Variants in MYBBP1A observed in about 807,000 individuals in gnomAD.
MYBBP1A encodes the protein myb-binding protein 1A.
MYBBP1A carries 147 observed loss-of-function variants against 136.3 expected under a neutral mutation model. The ratio of observed to expected loss-of-function variants is 1.08; its 90% CI spans 0.94 to 1.24. The LOEUF is 1.24. Among genes scored for constraint, MYBBP1A ranks in the 50% most tolerant of loss-of-function variants. The pLI, the probability that MYBBP1A is intolerant of heterozygous loss-of-function variation, is 0.00. For missense variants in MYBBP1A, 2,060 were observed against 1,727.4 expected, an observed-to-expected ratio of 1.19 and a Z score of -3.41; for synonymous variants, 947 against 735.8, an observed-to-expected ratio of 1.29 and a Z score of -4.65.
rs1906311930 is a variant in MYBBP1A, at chr17:4,540,502, G to GCAGAGCTGTGGGGCCA, written c.3298-34_3298-19dup. 8.8e-6 allele frequency: 14 copies of GCAGAGCTGTGGGGCCA among 1,596,108 alleles called. No individual in the cohort carries two copies. The highest frequency in any genetic ancestry group is 1.2e-5 in the Non-Finnish European group (14 of 1,172,604). The stretch of plus-strand genomic sequence containing the variant: ...GTCAGCTTCTGCAGAGGGTGGGAAG[G>GCAGAGCTGTGGGGCCA]CAGAGCTGTGGGGCCACAGAGGGCG... On this transcript the variant is annotated intron_variant, in intron 24 of 25. Transcript: ENST00000254718.
intron 25 of MYBBP1A, among the ~76,000 whole-genome samples, 190 bp downstream of exon 25, chr17:4,540,158 C>CCTGCGAGGGTCCTGTGAGGG (rs1278811291): frequency 1.6e-5 from 2 of 124,978 alleles, no homozygotes; most frequent in South Asian, 2.3e-4. Context: ...TCCTGCGAGG[C>CCTGCGAGGGTCCTGTGAGGG]TCCTGCGAGG....
Position 4,552,333 on chromosome 17 carries a change from G to A in MYBBP1A, c.738-41C>T, listed in dbSNP as rs1398632216. 1 of 1,611,450 alleles carries A rather than the reference G, an allele frequency of 6.2e-7. No individual in the cohort carries two copies. Among genetic ancestry groups the A allele is most frequent in the East Asian group, 2.2e-5 (1 of 44,886 alleles). On this transcript the variant is annotated intron_variant, in intron 6 of 25. Transcript: ENST00000254718. This position sits in a 1 kb window ranked among gnomAD's most constrained non-coding sequence, Gnocchi z 4.7. ...GACTCAGGGAACACTTGCCTCACAG[G>A]CAAGGGCCAGGGTGACAAGAGCAGC...
At chr17:4,544,697 C>T (rs770384602) in intron 18 of MYBBP1A, 51 bp from the exon 19 acceptor site, 24 of 292,094 alleles carry the variant, frequency 8.2e-5, no homozygotes, top group South Asian at 6.1e-4. Flanking sequence ...CACAGGGAGG[C>T]GGGGGTGGGC....
In MYBBP1A at chr17:4,544,886, C is replaced by T. The variant is rs1252405718; in HGVS notation, c.2346G>A (p.Gly782=). 6.2e-7 allele frequency: 1 copy of T among 1,607,162 alleles called. No individual in the cohort carries two copies. The highest frequency in any genetic ancestry group is 1.1e-5 in the South Asian group (1 of 89,846). Residue 782 remains glycine (G), a synonymous_variant, in exon 18 of 26, where the codon GGG becomes GGA. Coordinates refer to ENST00000254718, the MANE Select transcript of MYBBP1A (RefSeq NM_014520.4). ...GGTCCAGGGCCATCATGGCCTCATCCCCCAGCTCCTCCTCGTTCTCACTGT... is the reference window on the plus strand; with the variant it reads ...GGTCCAGGGCCATCATGGCCTCATCTCCCAGCTCCTCCTCGTTCTCACTGT... ...GEDSENEEEL[G]DEAMMALDQS... is the part of the protein sequence containing the mutation.
chr17:4,555,094 G>A (rs1907910282), intron 1 of MYBBP1A, 33 bp downstream of exon 1: 2 of 1,564,660 alleles, frequency 1.3e-6, no homozygotes, highest in Middle Eastern at 3.3e-4. Context: ...GCCGGGATAT[G>A]CGCAGCCTCT....
chr17:4,555,258 C>G lies in MYBBP1A; in HGVS notation c.67G>C (p.Ala23Pro), dbSNP rs781565435. Residue 23 changes from alanine to proline, a missense_variant, in exon 1 of 26, where the codon GCC becomes CCC. By Grantham distance (27) the Ala-to-Pro change is conservative. Transcript: ENST00000254718. ...TGCTTCAATAGGCCATAGCGGTCGG[C>G]AGGCCGGGCGCCACTCTGCGTCGCT... ...GEATQSGARP[A>P]DRYGLLKHSR... is the part of the protein sequence containing the mutation. 1.2e-5 allele frequency: 19 copies of G among 1,611,740 alleles called. No individual in the cohort carries two copies. The Admixed American group carries it at 3.0e-4, about 26-fold the overall frequency.
intron 24 of MYBBP1A, among the ~76,000 whole-genome samples, chr17:4,541,240 C>T (rs1383264506): frequency 6.6e-6 from 1 of 152,266 alleles, no homozygotes; most frequent in Non-Finnish European, 1.5e-5. Flanking sequence ...CCCCGCCCTG[C>T]AGGAGGAGGA....
rs1567615157 is a variant in MYBBP1A, at chr17:4,554,125, G to GAATCCTCAT, written c.379-33_379-32insATGAGGATT. 1.7e-5 allele frequency: 28 copies of GAATCCTCAT among 1,613,538 alleles called. No individual in the cohort carries two copies. In the Admixed American group the frequency reaches 4.7e-4, roughly 27 times the overall value. The stretch of plus-strand genomic sequence containing the variant: ...AAGGATTCCAGGCACAGGCATGAGG[G>GAATCCTCAT]GCCCTGGAACTCCCCATTCCCCAAG... On this transcript the variant is annotated intron_variant, in intron 3 of 25. Coordinates refer to ENST00000254718, the MANE Select transcript of MYBBP1A (RefSeq NM_014520.4).
chr17:4,551,818 T>C (rs1907529219), intron 8 of MYBBP1A, 62 bp downstream of exon 8: 4 of 1,478,470 alleles, frequency 2.7e-6, no homozygotes, highest in Admixed American at 3.5e-5. Context: ...CTCCCCTTTT[T>C]GGCAGGGAGA....
At position 4,549,355 on chromosome 17, in the gene MYBBP1A, C is replaced by T; in HGVS notation, c.1407G>A (p.Glu469=). ...IVDSLHLEME[E]ALTEQVARFC... ...ACCTGGCCACCTGCTCAGTCAAGGC[C>T]TCCTCCATCTCCAGGTGCAGGCTGT... Residue 469 remains glutamate, a synonymous_variant, in exon 10 of 26, where the codon GAG becomes GAA. Transcript: ENST00000254718. The T allele has an allele frequency of 1.2e-6, 2 of 1,612,626 alleles. No homozygotes were observed. The highest frequency in any genetic ancestry group is 8.5e-7 in the Non-Finnish European group (1 of 1,179,962).
At position 4,544,541 on chromosome 17, in the gene MYBBP1A, TGCTGCGCAG is replaced by T. The variant is rs759327225; in HGVS notation, c.2578_2586del (p.Leu860_Ser862del). ...AGGTCCTGCTCCTGTTTGGAGCTGC[TGCTGCGCAG>T]GCTGCGCCGGATGATGCTCAGCAGC... On this transcript the variant is annotated inframe_deletion, in exon 19 of 26. Coordinates refer to ENST00000254718, the MANE Select transcript of MYBBP1A (RefSeq NM_014520.4). The T allele has an allele frequency of 6.4e-7, 1 of 1,557,710 alleles. No individual in the cohort carries two copies. The highest frequency in any genetic ancestry group is 8.7e-7 in the Non-Finnish European group (1 of 1,151,214).
intron 8 of MYBBP1A, 74 bp from the exon 9 acceptor site, chr17:4,550,427 G>A (rs1473820371): frequency 6.6e-7 from 1 of 1,518,600 alleles, no homozygotes; most frequent in Non-Finnish European, 8.9e-7. Context: ...CAGCCAAGGG[G>A]GCAGGCGGGC....
Position 4,552,094 on chromosome 17 carries a change from G to T in MYBBP1A, c.905+31C>A. ...CTAGCCCACTTCACGGACAGGGAAG[G>T]GGGCCGAGAGAGGACACGCGTCGCC... On this transcript the variant is annotated intron_variant, in intron 7 of 25. Coordinates refer to ENST00000254718, the MANE Select transcript of MYBBP1A (RefSeq NM_014520.4). This position sits in a 1 kb window ranked among gnomAD's most constrained non-coding sequence, Gnocchi z 4.7. The T allele has an allele frequency of 6.2e-7, 1 of 1,605,714 alleles. No homozygotes were observed. The highest frequency in any genetic ancestry group is 8.5e-7 in the Non-Finnish European group (1 of 1,175,226).
rs1203021308 is a variant in MYBBP1A at position 4,552,640 on chromosome 17, G to A, written c.562-14C>T. The A allele has an allele frequency of 4.4e-6, 7 of 1,608,486 alleles. No homozygotes were observed. The highest frequency in any genetic ancestry group is 1.7e-5 in the Admixed American group (1 of 59,892). On this transcript the variant is annotated splice_polypyrimidine_tract_variant and intron_variant, in intron 5 of 25. Transcript: ENST00000254718. This position sits in a 1 kb window ranked among gnomAD's most constrained non-coding sequence, Gnocchi z 4.7. The stretch of plus-strand genomic sequence containing the variant: ...GGCCTTCGAGACCTAAGGATGGAGG[G>A]AGAAGAAATCGTGACTTCCTCTGCG...
Position 4,538,973 on chromosome 17 carries a change from A to C in MYBBP1A, c.*442T>G, listed in dbSNP as rs776463304. On this transcript the variant is annotated 3_prime_UTR_variant, in exon 26 of 26. Coordinates refer to ENST00000254718, the MANE Select transcript of MYBBP1A (RefSeq NM_014520.4). Reference sequence around the variant, plus strand: ...TAGAGCTGCTGATTGTGAATCTCAGAGTCTTAAGAGAGAAGCCAAATATAT... The same window carrying C: ...TAGAGCTGCTGATTGTGAATCTCAGCGTCTTAAGAGAGAAGCCAAATATAT... The C allele has an allele frequency of 2.5e-6, 2 of 790,634 alleles. No individual in the cohort carries two copies. Among genetic ancestry groups the C allele is most frequent in the Admixed American group, 3.4e-5 (2 of 59,014 alleles). The allele number at this position is 790,634 out of a possible 1,614,324, so 49.0% of individuals were successfully genotyped here. A position where few individuals can be genotyped will look rare whatever the true frequency, so the allele number is the denominator to read the frequency against.
rs1305090869 is a variant in MYBBP1A, at chr17:4,552,214, G to A, written c.816C>T (p.Leu272=). ...ACTTGTCTTCCTTGAGTGCCAGGCGGAGCAGGTCCAGAGCAATGGCGGGCA... is the reference window on the plus strand; with the variant it reads ...ACTTGTCTTCCTTGAGTGCCAGGCGAAGCAGGTCCAGAGCAATGGCGGGCA... ...RKLPAIALDL[L]RLALKEDKFP... The change falls in exon 7 of 26, where the codon CTC becomes CTT. Residue 272 remains leucine (L), a synonymous_variant. Coordinates refer to ENST00000254718, the MANE Select transcript of MYBBP1A (RefSeq NM_014520.4). This position sits in a 1 kb window ranked among gnomAD's most constrained non-coding sequence, Gnocchi z 4.7. The A allele has an allele frequency of 6.2e-7, 1 of 1,614,246 alleles. No homozygotes were observed. Among genetic ancestry groups the A allele is most frequent in the Non-Finnish European group, 8.5e-7 (1 of 1,180,046 alleles).
In MYBBP1A at chr17:4,544,790, C is replaced by G; in HGVS notation, c.2442G>C (p.Leu814=). The change falls in exon 18 of 26, where the codon CTG becomes CTC. Residue 814 remains leucine, a synonymous_variant. Transcript: ENST00000254718. ...CGCGCCGCAGAGCCTTCTCCTTCTG[C>G]AGCTTGTTCTTCTCGTCTCGCCGGG... ...IQARRDEKNK[L]QKEKALRRDF... 1.3e-6 allele frequency: 2 copies of G among 1,597,510 alleles called. No individual in the cohort carries two copies. The highest frequency in any genetic ancestry group is 1.7e-6 in the Non-Finnish European group (2 of 1,172,524).
intron 8 of MYBBP1A, among the ~76,000 whole-genome samples, chr17:4,551,547 A>C (rs549906336): frequency 1.3e-5 from 2 of 152,242 alleles, no homozygotes; most frequent in Non-Finnish European, 2.9e-5. Context: ...CGTCTCTACC[A>C]AAAATACAAA....
Position 4,548,184 on chromosome 17 carries a change from G to A in MYBBP1A, c.1683C>T (p.Thr561=), listed in dbSNP as rs756880214. Residue 561 remains threonine, a synonymous_variant, in exon 12 of 26, where the codon ACC becomes ACT. Transcript: ENST00000254718. This position sits in a 1 kb window ranked among gnomAD's most constrained non-coding sequence, Gnocchi z 4.2. ...GCTGCTGCGCAGTGAAGGGTGTCACGGTGGTCACGTTGTGGCTGTGATTCA... is the reference window on the plus strand; with the variant it reads ...GCTGCTGCGCAGTGAAGGGTGTCACAGTGGTCACGTTGTGGCTGTGATTCA... ...LLLNHSHNVT[T]VTPFTAQQRQ... The A allele has an allele frequency of 1.4e-5, 23 of 1,606,300 alleles. No homozygotes were observed. The highest frequency in any genetic ancestry group is 2.2e-5 in the East Asian group (1 of 44,882).
Sources: allele counts gnomAD v4.1 joint callset (sites outside exome capture counted in the v4.1 genomes callset), GRCh38; gene constraint gnomAD v4.1.1; non-coding constraint Gnocchi (gnomAD v3.1); transcripts MANE v1.5; gene names NCBI Gene and HGNC (gene_info 2026-07-23, HGNC 2026-07-21).